The following HLA-DQA1 variants were observed in gnomAD, a reference collection of about 807,000 sequenced individuals.
The protein encoded by HLA-DQA1 is HLA class II histocompatibility antigen, DQ alpha 1 chain.
In HLA-DQA1, 10 loss-of-function variants were observed where a neutral mutation model predicts 20.7. The observed-to-expected ratio is 0.48, with a 90% confidence interval of 0.30 to 0.82. The LOEUF (loss-of-function observed/expected upper bound fraction) is 0.82. Ranked by LOEUF, HLA-DQA1 falls within the 40% of genes least tolerant of loss-of-function variation. HLA-DQA1 has a pLI of 0.07. For missense variants in HLA-DQA1, 127 were observed against 293.0 expected, an observed-to-expected ratio of 0.43 and a Z score of 4.14; for synonymous variants, 39 against 109.2, an observed-to-expected ratio of 0.36 and a Z score of 4.01.
downstream of HLA-DQA1, chr6:32,645,861 T>TGC (rs1224259311): frequency 5.7e-5 from 4 of 70,068 alleles, 1 homozygote; most frequent in Non-Finnish European, 1.3e-4. Flanking sequence ...TGTGCATTTG[T>TGC]GTGTGTGTGT....
downstream of HLA-DQA1, among the ~76,000 whole-genome samples, chr6:32,647,943 G>A (rs1374762844): frequency 6.6e-6 from 1 of 151,990 alleles, no homozygotes; most frequent in Admixed American, 6.6e-5. Flanking sequence ...GTAGTGGGAA[G>A]AAATATACAT....
downstream of HLA-DQA1, chr6:32,645,287 A>T (rs2150978946): frequency 6.6e-6 from 1 of 150,452 alleles, no homozygotes; most frequent in South Asian, 2.1e-4. Flanking sequence ...TTTTGGCAGC[A>T]GGGACCAGTT....
At chr6:32,651,855 G>T (rs566907865), downstream of HLA-DQA1, among the ~76,000 whole-genome samples, 3 of 95,506 alleles carry the variant, frequency 3.1e-5, 1 homozygote, top group African/African-American at 7.2e-5. Flanking sequence ...AGCCTCAAGG[G>T]TTAAAGAAAC....
At chr6:32,654,051 G>A in the HLA-DQA1 span, among the ~76,000 whole-genome samples, 13,245 of 82,652 alleles carry the variant, frequency 0.16, 2,796 homozygotes, top group Middle Eastern at 0.24. Context: ...GCTCATGCCT[G>A]TAATCCCACC....
chr6:32,641,493 T>C lies in HLA-DQA1; in HGVS notation c.266T>C (p.Met89Thr). ...GFDPQGALRNMAVAKHNLNIM... is the reference protein window; with the variant it reads ...GFDPQGALRNTAVAKHNLNIM... ...GACCCGCAGGGTGCACTGAGAAACATGGCTGTGGCAAAACACAACTTGAAC... is the reference window on the plus strand; with the variant it reads ...GACCCGCAGGGTGCACTGAGAAACACGGCTGTGGCAAAACACAACTTGAAC... Residue 89 changes from methionine to threonine, a missense_variant, in exon 2 of 5, where the codon ATG becomes ACG. This residue lies in a region of HLA-DQA1 where 15 missense variants were observed against 56.2 expected (regional missense o/e 0.27). Transcript: ENST00000343139. 9.9e-7 allele frequency: 1 copy of C among 1,009,616 alleles called. No individual in the cohort carries two copies. The highest frequency in any genetic ancestry group is 1.5e-5 in the South Asian group (1 of 65,232). The allele number at this position is 1,009,616 out of a possible 1,614,324, so 62.5% of individuals were successfully genotyped here. A position where few individuals can be genotyped will look rare whatever the true frequency, so the allele number is the denominator to read the frequency against.
chr6:32,644,030 G>A (rs1781704210), downstream of HLA-DQA1: 1 of 33,856 alleles, frequency 3.0e-5, no homozygotes, highest in Non-Finnish European at 7.2e-5. Flanking sequence ...ATGTTTCTTG[G>A]AAACATGCCA....
At chr6:32,641,148 C>T (rs28383434) in intron 1 of HLA-DQA1, among the ~76,000 whole-genome samples, 162 bp from the exon 2 acceptor site, 29,805 of 109,776 alleles carry the variant, frequency 0.27, 7,542 homozygotes, top group East Asian at 0.33. Context: ...TGGACAACTA[C>T]CAACATGAAG....
At position 32,642,371 on chromosome 6, in the gene HLA-DQA1, C is replaced by A. The variant is rs1432560865; in HGVS notation, c.613+118C>A. 2.5e-3 allele frequency: 1,415 copies of A among 568,778 alleles called. 3 individuals are homozygous for A. Among genetic ancestry groups the A allele is most frequent in the South Asian group, 4.4e-3 (207 of 47,288 alleles). The allele number at this position is 568,778 out of a possible 1,614,324, so 35.2% of individuals were successfully genotyped here. ...CACACTTCATGGGTTTCTTTTCTGT[C>A]TCTCTTTTTTTTTTGAAAGAATAAA... On this transcript the variant is annotated intron_variant, in intron 3 of 4. Transcript: ENST00000343139.
chr6:32,638,522 T>C (rs77547678), intron 1 of HLA-DQA1, among the ~76,000 whole-genome samples: 2 of 91,130 alleles, frequency 2.2e-5, no homozygotes, highest in Non-Finnish European at 4.8e-5. Flanking sequence ...AAAAGAAAAA[T>C]AAAAATTAGC....
At chr6:32,638,319 T>C in intron 1 of HLA-DQA1, among the ~76,000 whole-genome samples, 1 of 126,782 alleles carries the variant, frequency 7.9e-6, no homozygotes, top group East Asian at 2.3e-4. Context: ...TAAATCATTT[T>C]ATTCTCAAAT....
the HLA-DQA1 span, among the ~76,000 whole-genome samples, chr6:32,654,834 T>A: frequency 2.1e-5 from 2 of 94,410 alleles, 1 homozygote; most frequent in African/African-American, 7.4e-5. Flanking sequence ...CTGGCCAACA[T>A]GGTGAAACCC....
downstream of HLA-DQA1, chr6:32,646,379 A>G (rs1204021439): frequency 6.9e-6 from 1 of 143,922 alleles, no homozygotes; most frequent in Non-Finnish European, 1.5e-5. Flanking sequence ...CTGGGCAACA[A>G]AGCAAGACCT....
downstream of HLA-DQA1, among the ~76,000 whole-genome samples, chr6:32,650,846 TAATAATAATAATAATAATAATA>T (rs1782150771): frequency 1.7e-4 from 2 of 11,588 alleles, 1 homozygote; most frequent in African/African-American, 1.2e-3. Flanking sequence ...GCTTAAAGTA[TAATAATAATAATAATAATAATA>T]ATAATAATAA....
rs754676254 is a variant in HLA-DQA1, at chr6:32,642,757, C to T, written c.761C>T (p.Pro254Leu). Residue 254 changes from proline (P) to leucine (L), a missense_variant, in exon 4 of 5, where the codon CCA becomes CTA. By Grantham distance (98) the Pro-to-Leu change is moderately conservative (BLOSUM62 -3). Coordinates refer to ENST00000343139, the MANE Select transcript of HLA-DQA1 (RefSeq NM_002122.5). ...RSVGASRHQG[P>L]L ...GTTGGTGCTTCCAGACACCAAGGGC[C>T]ATTGTGAATCCCATCCTGGAAGGGA... The T allele has an allele frequency of 1.0e-5, 12 of 1,155,540 alleles. 2 individuals carry two copies. Among genetic ancestry groups the T allele is most frequent in the South Asian group, 2.6e-5 (2 of 77,054 alleles). 71.6% of individuals were successfully genotyped at this position (1,155,540 alleles called of 1,614,324 possible).
chr6:32,652,042 C>T (rs765366415), downstream of HLA-DQA1, among the ~76,000 whole-genome samples: 2 of 94,868 alleles, frequency 2.1e-5, 1 homozygote, highest in Non-Finnish European at 4.7e-5. Context: ...CCTGTAATCC[C>T]AGCACTTTGG....
intron 1 of HLA-DQA1, chr6:32,638,876 C>G (rs1334172042): frequency 6.6e-6 from 2 of 304,904 alleles, no homozygotes; most frequent in Non-Finnish European, 1.3e-5. Context: ...CTTTCCACCT[C>G]TCTTCATGCA....
chr6:32,654,429 C>A, the HLA-DQA1 span, among the ~76,000 whole-genome samples: 1 of 125,854 alleles, frequency 7.9e-6, no homozygotes, highest in Non-Finnish European at 1.7e-5. Flanking sequence ...GTTCCAGGAT[C>A]CTCTCTGTAT....
In HLA-DQA1 at chr6:32,637,457, G is replaced by A. The variant is rs28383345; in HGVS notation, c.-2G>A. 0.079 allele frequency: 84,810 copies of A among 1,067,836 alleles called. 16,973 individuals are homozygous for A. Among genetic ancestry groups the A allele is most frequent in the South Asian group, 0.099 (6,568 of 66,176 alleles). The allele number at this position is 1,067,836 out of a possible 1,614,324, so 66.1% of individuals were successfully genotyped here. On this transcript the variant is annotated 5_prime_UTR_variant, in exon 1 of 5. Coordinates refer to ENST00000343139, the MANE Select transcript of HLA-DQA1 (RefSeq NM_002122.5). ...AACTGCTGAGGCTGCCTTGGGAAGAGGATGATCCTAAACAAAGCTCTGCTG... is the reference window on the plus strand; with the variant it reads ...AACTGCTGAGGCTGCCTTGGGAAGAAGATGATCCTAAACAAAGCTCTGCTG...
Position 32,643,136 on chromosome 6 carries a change from GATT to G in HLA-DQA1, c.*206_*208del, listed in dbSNP as rs1258741043. ...CTTTACATTCTTTCCCTGACCTCCTGATTTTTTTTTTCTTTTCTCAAATGTTAC... is the reference window on the plus strand; with the variant it reads ...CTTTACATTCTTTCCCTGACCTCCTGTTTTTTTTCTTTTCTCAAATGTTAC... On this transcript the variant is annotated 3_prime_UTR_variant, in exon 5 of 5. Transcript: ENST00000343139. 9.2e-6 allele frequency: 3 copies of G among 326,408 alleles called. 1 individual carries two copies. Among genetic ancestry groups the G allele is most frequent in the African/African-American group, 8.5e-5 (3 of 35,114 alleles). 20.2% of individuals were successfully genotyped at this position (326,408 alleles called of 1,614,324 possible). A position where few individuals can be genotyped will look rare whatever the true frequency, so the allele number is the denominator to read the frequency against.
Sources: allele counts gnomAD v4.1 joint callset (sites outside exome capture counted in the v4.1 genomes callset), GRCh38; gene constraint gnomAD v4.1.1; regional missense constraint gnomAD v4.1.1; transcripts MANE v1.5; gene names NCBI Gene and HGNC (gene_info 2026-07-23, HGNC 2026-07-21).